Variants in SCARA3 observed in about 807,000 individuals in gnomAD.
SCARA3 encodes scavenger receptor class A member 3.
SCARA3 carries 39 observed loss-of-function variants against 47.0 expected under a neutral mutation model. That is an observed-to-expected ratio of 0.83 (90% CI 0.64 to 1.08). SCARA3 has a LOEUF of 1.08. Ranked by LOEUF, SCARA3 falls within the 50% of genes least tolerant of loss-of-function variation. SCARA3 has a pLI of 0.00. For missense variants in SCARA3, 724 were observed against 792.3 expected (o/e 0.91, Z 1.04); for synonymous variants, 356 against 334.1 (o/e 1.07, Z -0.71).
At chr8:27,647,687 A>T (rs962015923) in intron 1 of SCARA3, among the ~76,000 whole-genome samples, 2 of 152,178 alleles carry the variant, frequency 1.3e-5, no homozygotes, top group East Asian at 3.9e-4. Flanking sequence ...AGAGCATGTG[A>T]GGTGTGGGCA....
the SCARA3 span, among the ~76,000 whole-genome samples, chr8:27,712,538 G>T: frequency 6.8e-6 from 1 of 146,678 alleles, no homozygotes; most frequent in Non-Finnish European, 1.5e-5. Context: ...ACTCCAGCCT[G>T]GGTGACAGAG....
intron 3 of SCARA3, among the ~76,000 whole-genome samples, chr8:27,652,949 C>G (rs1357427053): frequency 6.6e-6 from 1 of 152,126 alleles, no homozygotes; most frequent in Non-Finnish European, 1.5e-5. Flanking sequence ...ATTTAAGAAC[C>G]AAGGATTTCA....
At chr8:27,715,632 T>TAGAC in the SCARA3 span, among the ~76,000 whole-genome samples, 80 of 150,572 alleles carry the variant, frequency 5.3e-4, no homozygotes, top group Middle Eastern at 3.4e-3. The surrounding 1 kb of genome is among the most constrained non-coding windows in gnomAD (Gnocchi z 4.2). Flanking sequence ...GATAGATAGA[T>TAGAC]AGACACACAC....
chr8:27,671,615 T>C lies in SCARA3; in HGVS notation c.*264T>C, dbSNP rs988353362. On this transcript the variant is annotated 3_prime_UTR_variant, in exon 6 of 6. Transcript: ENST00000301904. ...ACGCACATGCACACATACACATGCA[T>C]GCACACATACACAGGCATACATGCA... 17 of 1,185,508 alleles carry C rather than the reference T, an allele frequency of 1.4e-5. No individual in the cohort carries two copies. Among genetic ancestry groups the C allele is most frequent in the Non-Finnish European group, 1.8e-5 (17 of 951,950 alleles). 73.4% of individuals were successfully genotyped at this position (1,185,508 alleles called of 1,614,324 possible).
At chr8:27,649,400 T>TA (rs1801582375) in intron 1 of SCARA3, among the ~76,000 whole-genome samples, 1 of 152,236 alleles carries the variant, frequency 6.6e-6, no homozygotes, top group Non-Finnish European at 1.5e-5. Context: ...TATTTCTCCT[T>TA]ACTCCACCTT....
chr8:27,652,650 C>T (rs1423222819), intron 3 of SCARA3, among the ~76,000 whole-genome samples: 1 of 152,208 alleles, frequency 6.6e-6, no homozygotes, highest in Non-Finnish European at 1.5e-5. Context: ...TGAATAGACA[C>T]AAGTCGTCTT....
the SCARA3 span, among the ~76,000 whole-genome samples, chr8:27,686,022 A>AT: frequency 1.3e-5 from 2 of 152,280 alleles, no homozygotes; most frequent in African/African-American, 4.8e-5. Flanking sequence ...CTGAAGAGAT[A>AT]CATCAACCAA....
At chr8:27,732,949 G>T in the SCARA3 span, among the ~76,000 whole-genome samples, 1 of 152,182 alleles carries the variant, frequency 6.6e-6, no homozygotes. Flanking sequence ...TAGCCCTACA[G>T]TCATCCATGA....
At chr8:27,679,003 T>C (rs184665321), downstream of SCARA3, among the ~76,000 whole-genome samples, 16 of 152,258 alleles carry the variant, frequency 1.1e-4, no homozygotes, top group Admixed American at 5.9e-4. Flanking sequence ...CCTTGGGCAA[T>C]ATAAATGGAA....
At chr8:27,637,003 C>A (rs773637415) in intron 1 of SCARA3, among the ~76,000 whole-genome samples, 1 of 152,376 alleles carries the variant, frequency 6.6e-6, no homozygotes, top group Non-Finnish European at 1.5e-5. Context: ...AGAGGCCACA[C>A]CAAACTTCGA....
chr8:27,727,102 G>A, the SCARA3 span, among the ~76,000 whole-genome samples: 1 of 151,998 alleles, frequency 6.6e-6, no homozygotes, highest in Non-Finnish European at 1.5e-5. Flanking sequence ...AAATGAAATG[G>A]GCCCTCCCTA....
chr8:27,637,793 C>T (rs566313548), intron 1 of SCARA3, among the ~76,000 whole-genome samples: 135 of 152,168 alleles, frequency 8.9e-4, no homozygotes, highest in African/African-American at 2.9e-3. Context: ...TGTGAAAACA[C>T]AGCGATGCAA....
chr8:27,730,767 G>A, the SCARA3 span, among the ~76,000 whole-genome samples: 2 of 151,980 alleles, frequency 1.3e-5, no homozygotes, highest in Admixed American at 1.3e-4. Context: ...TGGGATTACA[G>A]GCATGAGTCC....
chr8:27,645,045 G>A (rs1038066062), intron 1 of SCARA3, among the ~76,000 whole-genome samples: 4 of 152,192 alleles, frequency 2.6e-5, no homozygotes, highest in Non-Finnish European at 5.9e-5. Context: ...TCCTCCACCA[G>A]CTCATTCCTT....
intron 3 of SCARA3, 70 bp downstream of exon 3, chr8:27,651,697 C>A: frequency 6.3e-7 from 1 of 1,583,292 alleles, no homozygotes; most frequent in Non-Finnish European, 8.6e-7. Context: ...CCAAAAGTTC[C>A]CCTGCAAAGA....
At chr8:27,703,844 C>CTTTTTTTTTTTTTTTTTT in the SCARA3 span, 4 of 54,524 alleles carry the variant, frequency 7.3e-5, no homozygotes, top group Admixed American at 2.8e-4. Context: ...GTGCTTTCTA[C>CTTTTTTTTTTTTTTTTTT]TTTTTTTTTT....
chr8:27,691,890 A>T, the SCARA3 span, among the ~76,000 whole-genome samples: 1 of 152,124 alleles, frequency 6.6e-6, no homozygotes, highest in Admixed American at 6.5e-5. Context: ...CAATTCCAAT[A>T]AGACAACGCC....
the SCARA3 span, among the ~76,000 whole-genome samples, chr8:27,711,834 T>A: frequency 6.6e-6 from 1 of 152,174 alleles, no homozygotes; most frequent in Non-Finnish European, 1.5e-5. Context: ...CCCCGACATA[T>A]GCACAGCTTC....
chr8:27,684,259 C>CA, the SCARA3 span, among the ~76,000 whole-genome samples: 1 of 151,310 alleles, frequency 6.6e-6, no homozygotes, highest in African/African-American at 2.4e-5. Context: ...GCTCATGAGC[C>CA]AAAAAAGAAG....
Sources: gnomAD v4.1 joint callset for allele counts (sites outside exome capture counted in the v4.1 genomes callset) on GRCh38, gnomAD v4.1.1 for gene constraint, Gnocchi (gnomAD v3.1) non-coding constraint, MANE v1.5 for transcripts, NCBI Gene and HGNC (gene_info 2026-07-23, HGNC 2026-07-21) for gene names.